ZBED4: variants seen among roughly 807,000 people sequenced by gnomAD.
ZBED4 encodes zinc finger BED-type containing 4, also known as zinc finger BED domain-containing protein 4.
A neutral mutation model predicts 15.5 loss-of-function variants in ZBED4; 4 were observed. The ratio of observed to expected loss-of-function variants is 0.26; its 90% confidence interval spans 0.13 to 0.59. The LOEUF (loss-of-function observed/expected upper bound fraction) is 0.59, where lower values mean the gene tolerates loss of function less well. ZBED4 is among the 20% of genes least tolerant of loss of function. The probability of loss-of-function intolerance (pLI) is 0.90; values close to 1 mark genes in which losing one functional copy is unlikely to be tolerated. For missense variants in ZBED4, 1,323 were observed against 1,461.8 expected (o/e 0.91, Z 1.55); for synonymous variants, 692 against 608.5 (o/e 1.14, Z -2.02).
chr22:49,879,160 A>C (rs1379387121), intron 1 of ZBED4, among the ~76,000 whole-genome samples: 2 of 149,532 alleles, frequency 1.3e-5, no homozygotes, highest in Non-Finnish European at 3.0e-5. Context: ...AAAACAAAAA[A>C]CAAAAAAAAA....
chr22:49,882,746 C>T (rs999252319), intron 1 of ZBED4, among the ~76,000 whole-genome samples: 8 of 152,172 alleles, frequency 5.3e-5, no homozygotes, highest in South Asian at 2.1e-4. Flanking sequence ...TCCAGCACGG[C>T]GCAGCATCAC....
At chr22:49,878,191 G>T (rs113234233) in intron 1 of ZBED4, among the ~76,000 whole-genome samples, 6,889 of 151,348 alleles carry the variant, frequency 0.046, 358 homozygotes, top group African/African-American at 0.13. Context: ...TGTAATTCCA[G>T]CTACTCAGGA....
chr22:49,875,980 GT>G (rs1221886573), intron 1 of ZBED4, among the ~76,000 whole-genome samples: 4 of 141,280 alleles, frequency 2.8e-5, no homozygotes, highest in African/African-American at 7.7e-5. Flanking sequence ...CATCTTTATT[GT>G]TTTTTTCTTG....
rs2060420005 is a variant in ZBED4 at position 49,883,493 on chromosome 22, C to T, written c.-170C>T. 2.2e-6 allele frequency: 2 copies of T among 923,234 alleles called. No individual in the cohort carries two copies. Among genetic ancestry groups the T allele is most frequent in the African/African-American group, 1.7e-5 (1 of 60,418 alleles). 57.2% of individuals were successfully genotyped at this position (923,234 alleles called of 1,614,324 possible). A position where few individuals can be genotyped will look rare whatever the true frequency, so the allele number is the denominator to read the frequency against. On this transcript the variant is annotated 5_prime_UTR_variant, in exon 2 of 2. Coordinates refer to ENST00000216268, the MANE Select transcript of ZBED4 (RefSeq NM_014838.3). ...TGATCTATGCTGTAAGACCATGAGT[C>T]ACAGATTCTTTTTTTCAGTACTATT...
At chr22:49,857,993 A>G (rs2060281608) in intron 1 of ZBED4, among the ~76,000 whole-genome samples, 1 of 150,880 alleles carries the variant, frequency 6.6e-6, no homozygotes, top group Non-Finnish European at 1.5e-5. Flanking sequence ...CGATCTCCTG[A>G]TCTCGTGATC....
rs766338644 is a variant in ZBED4 at position 49,886,887 on chromosome 22, C to T, written c.3225C>T (p.Asp1075=). ...WSLVAKVKKK[D]PREKLPEAMV... is the part of the protein sequence containing the mutation. ...TTGTGGCCAAGGTGAAGAAGAAAGA[C>T]CCAAGAGAAAAGCTGCCTGAAGCCA... Residue 1075 remains aspartate (D), a synonymous_variant, in exon 2 of 2, where the codon GAC becomes GAT. Transcript: ENST00000216268. This position sits in a 1 kb window ranked among gnomAD's most constrained non-coding sequence, Gnocchi z 7.7. 1.9e-6 allele frequency: 3 copies of T among 1,614,068 alleles called. No individual in the cohort carries two copies. Among genetic ancestry groups the T allele is most frequent in the South Asian group, 1.1e-5 (1 of 91,068 alleles).
In ZBED4 at chr22:49,886,874, T is replaced by G. The variant is rs2060442845; in HGVS notation, c.3212T>G (p.Val1071Gly). Residue 1071 changes from valine to glycine, a missense_variant, in exon 2 of 2, where the codon GTG (valine) becomes GGG (glycine). Val to Gly is a moderately radical substitution (Grantham distance 109). This residue lies in a region of ZBED4 where 312 missense variants were observed against 410.7 expected (regional missense o/e 0.76). Coordinates refer to ENST00000216268, the MANE Select transcript of ZBED4 (RefSeq NM_014838.3). This position sits in a 1 kb window ranked among gnomAD's most constrained non-coding sequence, Gnocchi z 7.7. ...AACCTGTGGTCACTTGTGGCCAAGG[T>G]GAAGAAGAAAGACCCAAGAGAAAAG... is the stretch of plus-strand genomic sequence containing the variant. ...EENLWSLVAK[V>G]KKKDPREKLP... 3.1e-6 allele frequency: 5 copies of G among 1,613,734 alleles called. No individual in the cohort carries two copies. The Admixed American group carries it at 5.0e-5, about 16-fold the overall frequency.
rs1358319635 is a variant in ZBED4 at position 49,885,742 on chromosome 22, C to T, written c.2080C>T (p.Leu694Phe). ...TGAATACTTGAAACCTCAGTACTCC[C>T]TCCCCGCCCCTTCCTACTTCTCCAG... ...LLEYLKPQYSLPAPSYFSRTA... is the reference protein window; with the variant it reads ...LLEYLKPQYSFPAPSYFSRTA... The change falls in exon 2 of 2, where the codon CTC becomes TTC. Residue 694 changes from leucine (L) to phenylalanine (F), a missense_variant. By Grantham distance (22) the Leu-to-Phe change is conservative. Coordinates refer to ENST00000216268, the MANE Select transcript of ZBED4 (RefSeq NM_014838.3). 5.6e-6 allele frequency: 9 copies of T among 1,603,558 alleles called. No homozygotes were observed. In the Admixed American group the frequency reaches 1.4e-4, roughly 24 times the overall value.
Position 49,884,702 on chromosome 22 carries a change from G to T in ZBED4, c.1040G>T (p.Gly347Val). Residue 347 changes from glycine to valine, a missense_variant, in exon 2 of 2, where the codon GGC (glycine) becomes GTC (valine). Physicochemically the swap from Gly to Val is moderately radical, Grantham distance 109. Coordinates refer to ENST00000216268, the MANE Select transcript of ZBED4 (RefSeq NM_014838.3). Reference sequence around the variant, plus strand: ...GTGTTGCAGGAGAACGGGGGCACGGGCATCCCGCCACTGTACTCCACCCCT... The same window carrying T: ...GTGTTGCAGGAGAACGGGGGCACGGTCATCCCGCCACTGTACTCCACCCCT... ...AIVLQENGGT[G>V]IPPLYSTPPT... 2 of 1,597,154 alleles carry T rather than the reference G, an allele frequency of 1.3e-6. No homozygotes were observed. The highest frequency in any genetic ancestry group is 2.3e-5 in the South Asian group (2 of 88,020).
chr22:49,854,989 G>T (rs1247656894), intron 1 of ZBED4, among the ~76,000 whole-genome samples: 1 of 151,952 alleles, frequency 6.6e-6, no homozygotes, highest in African/African-American at 2.4e-5. Context: ...GAAGGATTTG[G>T]TTGGGATTTT....
At chr22:49,857,605 G>C (rs902386533) in intron 1 of ZBED4, among the ~76,000 whole-genome samples, 1 of 152,122 alleles carries the variant, frequency 6.6e-6, no homozygotes, top group Non-Finnish European at 1.5e-5. Flanking sequence ...CAGTTTGTTT[G>C]TTTGTTTGTT....
intron 1 of ZBED4, among the ~76,000 whole-genome samples, chr22:49,856,575 T>TC (rs1330521781): frequency 6.6e-6 from 1 of 152,048 alleles, no homozygotes; most frequent in African/African-American, 2.4e-5. Context: ...GCCTCCCAGC[T>TC]CCCCCGGGTT....
chr22:49,873,655 T>G (rs2060360011), intron 1 of ZBED4, among the ~76,000 whole-genome samples: 1 of 151,708 alleles, frequency 6.6e-6, no homozygotes. Context: ...AAAAAAAGTA[T>G]CTGCAAAGAG....
intron 1 of ZBED4, among the ~76,000 whole-genome samples, chr22:49,873,558 C>T (rs1012535657): frequency 1.3e-5 from 2 of 152,176 alleles, no homozygotes; most frequent in Non-Finnish European, 2.9e-5. Flanking sequence ...CAAAATGTGA[C>T]ACACAGGTGG....
chr22:49,876,881 G>A (rs1316980524), intron 1 of ZBED4, among the ~76,000 whole-genome samples: 2 of 152,184 alleles, frequency 1.3e-5, no homozygotes, highest in African/African-American at 4.8e-5. Flanking sequence ...AAGACACAGC[G>A]TTCCCACACG....
At chr22:49,855,491 A>G (rs1483799206) in intron 1 of ZBED4, among the ~76,000 whole-genome samples, 1 of 152,124 alleles carries the variant, frequency 6.6e-6, no homozygotes, top group Non-Finnish European at 1.5e-5. Context: ...TGTCCATAAC[A>G]CCTTGCAGAA....
intron 1 of ZBED4, among the ~76,000 whole-genome samples, chr22:49,854,765 G>A (rs1049232691): frequency 3.9e-5 from 6 of 152,092 alleles, no homozygotes; most frequent in Non-Finnish European, 5.9e-5. Context: ...CGGCCAAGCT[G>A]AGCCGTCAGA....
At position 49,875,808 on chromosome 22, in the gene ZBED4, G is replaced by GT. The variant is rs775280715; in HGVS notation, c.-329-7525dup. Among the ~76,000 whole-genome samples, 17 of 152,208 alleles carry GT rather than the reference G, an allele frequency of 1.1e-4. No individual in the cohort carries two copies. The East Asian group carries it at 1.9e-3, about 17-fold the overall frequency. On this transcript the variant is annotated intron_variant, in intron 1 of 1. Coordinates refer to ENST00000216268, the MANE Select transcript of ZBED4 (RefSeq NM_014838.3). The stretch of plus-strand genomic sequence containing the variant: ...TCCTTTTATATATGTAGGATCTGTA[G>GT]TGATACTCCCTCTCTCATTCCTGGT...
Position 49,884,079 on chromosome 22 carries a change from T to C in ZBED4, c.417T>C (p.Cys139=), listed in dbSNP as rs1354939868. The C allele has an allele frequency of 3.1e-6, 5 of 1,611,414 alleles. No individual in the cohort carries two copies. Among genetic ancestry groups the C allele is most frequent in the Non-Finnish European group, 4.2e-6 (5 of 1,178,906 alleles). The change falls in exon 2 of 2, where the codon TGT becomes TGC. Residue 139 remains cysteine (C), a synonymous_variant. Transcript: ENST00000216268. The stretch of plus-strand genomic sequence containing the variant: ...GCACTAAAGCAATATGCATGTACTG[T>C]GTGAAGGAGTTCAGCAGAGGCAAAA... ...RDSTKAICMY[C]VKEFSRGKNE... is the part of the protein sequence containing the mutation.
Sources: allele counts gnomAD v4.1 joint callset (sites outside exome capture counted in the v4.1 genomes callset), GRCh38; gene constraint gnomAD v4.1.1; regional missense constraint gnomAD v4.1.1; non-coding constraint Gnocchi (gnomAD v3.1); transcripts MANE v1.5; gene names NCBI Gene and HGNC (gene_info 2026-07-23, HGNC 2026-07-21).